The following TRPM4 variants were observed in gnomAD, a reference collection of about 807,000 sequenced individuals.
TRPM4 encodes the protein transient receptor potential cation channel subfamily M member 4, also known as calcium-activated non-selective cation channel 1.
A neutral mutation model predicts 135.6 loss-of-function variants in TRPM4; 124 were observed. The observed-to-expected ratio is 0.91, with a 90% CI of 0.79 to 1.06. The LOEUF (loss-of-function observed/expected upper bound fraction) is 1.06. Among genes scored for constraint, TRPM4 ranks in the 50% least tolerant of loss-of-function variants. TRPM4 has a pLI of 0.00. For synonymous variants in TRPM4, 745 were observed against 705.6 expected (o/e 1.06, Z -0.88); for missense variants, 1,658 against 1,671.4 (o/e 0.99, Z 0.14).
At chr19:49,177,820 G>A (rs1967758812) in intron 9 of TRPM4, among the ~76,000 whole-genome samples, 1 of 152,204 alleles carries the variant, frequency 6.6e-6, no homozygotes, top group Non-Finnish European at 1.5e-5. Flanking sequence ...GGCTTTTCAT[G>A]TGAGTCTGTA....
intron 16 of TRPM4, among the ~76,000 whole-genome samples, chr19:49,193,124 A>G (rs1263195811): frequency 1.5e-5 from 2 of 135,306 alleles, no homozygotes; most frequent in African/African-American, 5.7e-5. Flanking sequence ...TCTGTCGCCC[A>G]GGCTGGAGTG....
chr19:49,187,456 T>A (rs1048298639), intron 12 of TRPM4, among the ~76,000 whole-genome samples: 1 of 151,844 alleles, frequency 6.6e-6, no homozygotes, highest in African/African-American at 2.4e-5. Context: ...TCGATCCTCC[T>A]ACCTCAGCTT....
chr19:49,202,548 C>G (rs536503927), intron 20 of TRPM4, among the ~76,000 whole-genome samples: 1 of 152,090 alleles, frequency 6.6e-6, no homozygotes, highest in South Asian at 2.1e-4. Context: ...AGGGGTCTCA[C>G]TATGTTGTCC....
At position 49,168,660 on chromosome 19, in the gene TRPM4, C is replaced by T. The variant is rs766445358; in HGVS notation, c.720C>T (p.His240=). The change falls in exon 6 of 25, where the codon CAC becomes CAT. Residue 240 remains histidine (H), a synonymous_variant. Transcript: ENST00000252826. The stretch of plus-strand genomic sequence containing the variant: ...TCTTCCTGGTGGACGACGGCACACA[C>T]GGCTGCCTGGGGGGCGAGAACCGCT... ...SAFFLVDDGT[H]GCLGGENRFR... 60 of 1,613,116 alleles carry T rather than the reference C, an allele frequency of 3.7e-5. No homozygotes were observed. The highest frequency in any genetic ancestry group is 4.9e-5 in the Non-Finnish European group (58 of 1,179,906).
chr19:49,161,786 C>G (rs966089696), intron 2 of TRPM4, among the ~76,000 whole-genome samples: 2 of 152,098 alleles, frequency 1.3e-5, no homozygotes, highest in Non-Finnish European at 2.9e-5. Context: ...CCCACCATCA[C>G]GCCTGGCTAA....
intron 2 of TRPM4, among the ~76,000 whole-genome samples, chr19:49,163,691 C>T (rs960613324): frequency 2.0e-5 from 3 of 152,120 alleles, no homozygotes; most frequent in East Asian, 1.9e-4. Context: ...GATGGGGTCT[C>T]GCTCTATTGC....
intron 12 of TRPM4, among the ~76,000 whole-genome samples, chr19:49,187,091 A>G (rs938561679): frequency 6.6e-6 from 1 of 152,128 alleles, no homozygotes; most frequent in Non-Finnish European, 1.5e-5. Context: ...TTTGTCTTCA[A>G]GGTTGCCACT....
chr19:49,206,092 C>G (rs1969139876), intron 20 of TRPM4, among the ~76,000 whole-genome samples: 1 of 152,256 alleles, frequency 6.6e-6, no homozygotes, highest in Middle Eastern at 3.4e-3. Flanking sequence ...TCCTGAGTAG[C>G]TGGGATTACA....
chr19:49,161,303 T>G (rs1966951148), intron 2 of TRPM4, among the ~76,000 whole-genome samples: 1 of 149,072 alleles, frequency 6.7e-6, no homozygotes, highest in African/African-American at 2.5e-5. Flanking sequence ...TTTAAAAATA[T>G]CTGTCTTCTG....
At chr19:49,168,494 C>T (rs1297434157) in intron 5 of TRPM4, 59 bp from the exon 6 acceptor site, 47 of 1,613,424 alleles carry the variant, frequency 2.9e-5, no homozygotes, top group Non-Finnish European at 3.9e-5. Flanking sequence ...AGGAGGGGCT[C>T]GTGTTTGTCC....
At chr19:49,170,487 C>T (rs1967412123) in intron 6 of TRPM4, among the ~76,000 whole-genome samples, 1 of 152,134 alleles carries the variant, frequency 6.6e-6, no homozygotes, top group African/African-American at 2.4e-5. Flanking sequence ...CCGCACCTGG[C>T]CTAGTTTCTA....
chr19:49,200,485 C>G lies in TRPM4; in HGVS notation c.2778+53C>G, dbSNP rs1412293836. The G allele has an allele frequency of 3.1e-6, 5 of 1,594,142 alleles. No homozygotes were observed. The African/African-American group carries it at 6.7e-5, about 21-fold the overall frequency. Reference sequence around the variant, plus strand: ...CGGGGACATAGGGAAAGGGGTGGGGCCAGGGAGGGAGTGGTCCGTGGAGAA... The same window carrying G: ...CGGGGACATAGGGAAAGGGGTGGGGGCAGGGAGGGAGTGGTCCGTGGAGAA... On this transcript the variant is annotated intron_variant, in intron 18 of 24. Coordinates refer to ENST00000252826, the MANE Select transcript of TRPM4 (RefSeq NM_017636.4).
intron 2 of TRPM4, among the ~76,000 whole-genome samples, chr19:49,162,835 C>T (rs560558198): frequency 1.3e-5 from 2 of 152,028 alleles, no homozygotes; most frequent in African/African-American, 4.8e-5. Context: ...AATCTTGGCT[C>T]ACTGCAACCT....
intron 2 of TRPM4, among the ~76,000 whole-genome samples, chr19:49,164,363 A>ATTTTT (rs1967087744): frequency 2.0e-4 from 2 of 10,098 alleles, no homozygotes; most frequent in African/African-American, 4.4e-4. Context: ...TTCTTTCCTT[A>ATTTTT]GTTTTTTTTT....
At chr19:49,181,252 T>C in intron 9 of TRPM4, 97 bp from the exon 10 acceptor site, 1 of 916,136 alleles carries the variant, frequency 1.1e-6, no homozygotes, top group Non-Finnish European at 1.8e-6. Context: ...TTATGCAGAG[T>C]TTAAAAGTCA....
intron 20 of TRPM4, among the ~76,000 whole-genome samples, chr19:49,208,603 TAATATTGA>T (rs1969237518): frequency 6.6e-6 from 1 of 152,144 alleles, no homozygotes; most frequent in East Asian, 1.9e-4. Flanking sequence ...AGGATTATTA[TAATATTGA>T]AATAAAGAGT....
intron 16 of TRPM4, among the ~76,000 whole-genome samples, chr19:49,192,477 A>G (rs964500207): frequency 5.9e-5 from 9 of 152,210 alleles, no homozygotes; most frequent in Middle Eastern, 3.2e-3. Context: ...TAGAGAGGAT[A>G]CAAAATATTT....
chr19:49,196,916 T>A, intron 17 of TRPM4, 42 bp downstream of exon 17: 1 of 1,530,424 alleles, frequency 6.5e-7, no homozygotes, highest in Non-Finnish European at 8.7e-7. Context: ...CCTGGCCACC[T>A]CTCATCCTTC....
intron 2 of TRPM4, among the ~76,000 whole-genome samples, chr19:49,161,323 C>CTT (rs67808134): frequency 0.023 from 2,306 of 101,056 alleles, 118 homozygotes; most frequent in Non-Finnish European, 0.028. Flanking sequence ...GTCTCTCTCT[C>CTT]TTTTTTTTTT....
Sources: allele counts gnomAD v4.1 joint callset (sites outside exome capture counted in the v4.1 genomes callset), GRCh38; gene constraint gnomAD v4.1.1; transcripts MANE v1.5; gene names NCBI Gene and HGNC (gene_info 2026-07-23, HGNC 2026-07-21).